Variants in ACTN2 observed in about 807,000 individuals in gnomAD.
ACTN2 encodes the protein alpha-actinin-2.
ACTN2 carries 39 observed loss-of-function variants against 113.8 expected under a neutral mutation model. That is an observed-to-expected ratio of 0.34 (90% CI 0.27 to 0.45). The LOEUF (loss-of-function observed/expected upper bound fraction) is 0.45. ACTN2 is among the 20% of genes least tolerant of loss of function. The pLI, the probability that ACTN2 is intolerant of heterozygous loss-of-function variation, is 1.00. For missense variants in ACTN2, 992 were observed against 1,177.9 expected (o/e 0.84, Z 2.31); for synonymous variants, 429 against 444.1 (o/e 0.97, Z 0.43).
At chr1:236,732,164 C>G (rs985899005) in intron 7 of ACTN2, among the ~76,000 whole-genome samples, 7 of 152,212 alleles carry the variant, frequency 4.6e-5, no homozygotes, top group African/African-American at 1.7e-4. Context: ...TTCCTCTTTG[C>G]TTTTGGTAAT....
At chr1:236,748,127 G>A (rs74146243) in intron 13 of ACTN2, 19 of 320,920 alleles carry the variant, frequency 5.9e-5, no homozygotes, top group Non-Finnish European at 1.1e-4. Flanking sequence ...GATGTGCAAA[G>A]GGAAGATGGA....
chr1:236,738,705 T>A (rs2102921573), intron 9 of ACTN2, among the ~76,000 whole-genome samples: 1 of 152,346 alleles, frequency 6.6e-6, no homozygotes, highest in Middle Eastern at 3.4e-3. Flanking sequence ...ACCTAGGTAG[T>A]AATTCAAGAG....
At chr1:236,710,896 C>T (rs1215163298) in intron 1 of ACTN2, among the ~76,000 whole-genome samples, 2 of 151,940 alleles carry the variant, frequency 1.3e-5, no homozygotes, top group East Asian at 3.9e-4. Context: ...CCCTTCCCTA[C>T]CCCCCACCCG....
intron 1 of ACTN2, among the ~76,000 whole-genome samples, chr1:236,709,391 T>C: frequency 6.7e-6 from 1 of 149,042 alleles, no homozygotes; most frequent in East Asian, 2.0e-4. Flanking sequence ...TGTATGTATA[T>C]CTGGGAAAGG....
intron 1 of ACTN2, among the ~76,000 whole-genome samples, chr1:236,694,122 C>T (rs551229928): frequency 6.6e-6 from 1 of 152,156 alleles, no homozygotes; most frequent in Non-Finnish European, 1.5e-5. Context: ...GATGCTCTGT[C>T]TCCCCAACAA....
At chr1:236,715,733 A>T (rs1658183385) in intron 1 of ACTN2, among the ~76,000 whole-genome samples, 1 of 152,138 alleles carries the variant, frequency 6.6e-6, no homozygotes, top group African/African-American at 2.4e-5. Flanking sequence ...AGGCAGATGG[A>T]TCACCTGAAG....
intron 7 of ACTN2, 85 bp from the exon 8 acceptor site, chr1:236,735,550 C>A: frequency 8.0e-7 from 1 of 1,251,870 alleles, no homozygotes; most frequent in Non-Finnish European, 1.2e-6. Flanking sequence ...GTTCTTCCCT[C>A]TGTTCTCCCT....
At position 236,731,315 on chromosome 1, in the gene ACTN2, G is replaced by A. The variant is rs113669376; in HGVS notation, c.697+1G>A. ...ATTCCTAAAATGTTGGATGCTGAAGGTGAGATGAAAATTGTGTTTGCTGAG... is the reference window on the plus strand; with the variant it reads ...ATTCCTAAAATGTTGGATGCTGAAGATGAGATGAAAATTGTGTTTGCTGAG... On this transcript the variant is annotated splice_donor_variant, in intron 7 of 20. Transcript: ENST00000366578. LOFTEE classifies it high-confidence loss of function. 9 of 1,612,296 alleles carry A rather than the reference G, an allele frequency of 5.6e-6. No individual in the cohort carries two copies. The highest frequency in any genetic ancestry group is 6.8e-6 in the Non-Finnish European group (8 of 1,178,376).
chr1:236,719,640 A>C (rs534606567), intron 3 of ACTN2, among the ~76,000 whole-genome samples: 3 of 152,232 alleles, frequency 2.0e-5, no homozygotes, highest in African/African-American at 7.2e-5. Flanking sequence ...TTTACAAAAA[A>C]TTAGCTGGGT....
chr1:236,731,198 A>G (rs764302979), intron 6 of ACTN2, 35 bp from the exon 7 acceptor site: 14 of 1,532,014 alleles, frequency 9.1e-6, no homozygotes, highest in Non-Finnish European at 2.7e-6. Flanking sequence ...TTCAAAATAT[A>G]TTTTAAAAAT....
intron 13 of ACTN2, 56 bp downstream of exon 13, chr1:236,747,831 TA>T (rs1329160891): frequency 3.1e-6 from 4 of 1,293,356 alleles, no homozygotes; most frequent in African/African-American, 2.9e-5. Context: ...GCTCTTTAAT[TA>T]AATCACTGGT....
intron 10 of ACTN2, among the ~76,000 whole-genome samples, chr1:236,739,757 C>T (rs552629438): frequency 6.6e-6 from 1 of 152,352 alleles, no homozygotes; most frequent in East Asian, 1.9e-4. Flanking sequence ...AAAGAGCAGA[C>T]CTTTAGGAAA....
intron 1 of ACTN2, among the ~76,000 whole-genome samples, chr1:236,693,177 GCA>G (rs35891713): frequency 0.027 from 3,965 of 149,112 alleles, 85 homozygotes; most frequent in African/African-American, 0.062. Context: ...CTGCACACAT[GCA>G]CACACACACA....
intron 15 of ACTN2, 82 bp from the exon 16 acceptor site, chr1:236,753,865 C>CCT: frequency 1.4e-6 from 2 of 1,394,008 alleles, no homozygotes; most frequent in Non-Finnish European, 2.0e-6. Flanking sequence ...ACCCCCACCC[C>CCT]TTGGACTATT....
At chr1:236,753,308 G>C (rs138048055) in intron 15 of ACTN2, among the ~76,000 whole-genome samples, 1 of 152,314 alleles carries the variant, frequency 6.6e-6, no homozygotes, top group Non-Finnish European at 1.5e-5. Flanking sequence ...TTATTGTCAT[G>C]TATATGCTTC....
rs1572114607 is a variant in ACTN2, at chr1:236,720,124, G to A, written c.381G>A (p.Val127=). The A allele has an allele frequency of 1.2e-6, 2 of 1,613,046 alleles. No homozygotes were observed. Among genetic ancestry groups the A allele is most frequent in the Non-Finnish European group, 1.7e-6 (2 of 1,179,000 alleles). Residue 127 remains valine, a synonymous_variant, in exon 4 of 21, where the codon GTG becomes GTA. Coordinates refer to ENST00000366578, the MANE Select transcript of ACTN2 (RefSeq NM_001103.4). ...IGAEEIVDGN[V]KMTLGMIWTI... ...CTGCAGAAATTGTTGATGGCAACGTGAAAATGACCCTGGGTATGATCTGGA... is the reference window on the plus strand; with the variant it reads ...CTGCAGAAATTGTTGATGGCAACGTAAAAATGACCCTGGGTATGATCTGGA...
intron 15 of ACTN2, among the ~76,000 whole-genome samples, 168 bp downstream of exon 15, chr1:236,751,820 C>T (rs1451800459): frequency 6.6e-6 from 1 of 152,090 alleles, no homozygotes; most frequent in Non-Finnish European, 1.5e-5. Flanking sequence ...CTCTTAAGGA[C>T]CCTTCAGCAG....
At chr1:236,709,975 T>C (rs1277902712) in intron 1 of ACTN2, among the ~76,000 whole-genome samples, 2 of 151,926 alleles carry the variant, frequency 1.3e-5, no homozygotes, top group African/African-American at 4.8e-5. Flanking sequence ...TTGGAGAAAA[T>C]GGAATGATGA....
chr1:236,756,794 CCT>C lies in ACTN2; in HGVS notation c.2155-691_2155-690del, dbSNP rs1202529519. On this transcript the variant is annotated intron_variant, in intron 17 of 20. Coordinates refer to ENST00000366578, the MANE Select transcript of ACTN2 (RefSeq NM_001103.4). ...GAGGGCCCGCTGCCACTGTTAGAAC[CCT>C]GGTTATAGAGTATATACTGCAGAGT... Among the ~76,000 whole-genome samples the C allele has an allele frequency of 6.7e-4, 8 of 11,918 alleles. 1 individual carries two copies. The highest frequency in any genetic ancestry group is 1.2e-3 in the Non-Finnish European group (7 of 5,894). 7.8% of individuals were successfully genotyped at this position (11,918 alleles called of 152,430 possible).
Sources: allele counts gnomAD v4.1 joint callset (sites outside exome capture counted in the v4.1 genomes callset), GRCh38; gene constraint gnomAD v4.1.1; transcripts MANE v1.5; gene names NCBI Gene and HGNC (gene_info 2026-07-23, HGNC 2026-07-21).